The following FBXL7 variants were observed in gnomAD, a reference collection of about 807,000 sequenced individuals.
FBXL7 encodes F-box/LRR-repeat protein 7.
In FBXL7, 12 loss-of-function variants were observed where a neutral mutation model predicts 38.3. The ratio of observed to expected loss-of-function variants is 0.31; its 90% CI spans 0.20 to 0.51. The LOEUF is 0.51. Among genes scored for constraint, FBXL7 ranks in the 20% least tolerant of loss-of-function variants. The pLI, the probability that FBXL7 is intolerant of heterozygous loss-of-function variation, is 0.98. For missense variants in FBXL7, 567 were observed against 676.4 expected (o/e 0.84, Z 1.79); for synonymous variants, 297 against 300.9 (o/e 0.99, Z 0.13).
intron 1 of FBXL7, among the ~76,000 whole-genome samples, chr5:15,525,178 G>A (rs1737216747): frequency 6.6e-6 from 1 of 152,170 alleles, no homozygotes; most frequent in Admixed American, 6.5e-5. Context: ...CATTCCCAAA[G>A]TGAGTTGAAA....
intron 2 of FBXL7, among the ~76,000 whole-genome samples, chr5:15,788,360 T>A (rs1737185942): frequency 6.6e-6 from 1 of 152,108 alleles, no homozygotes; most frequent in African/African-American, 2.4e-5. Flanking sequence ...TTGTAACCTC[T>A]CAATTTTTGC....
At chr5:15,746,485 T>C (rs890994988) in intron 2 of FBXL7, among the ~76,000 whole-genome samples, 5 of 152,116 alleles carry the variant, frequency 3.3e-5, no homozygotes, top group African/African-American at 1.2e-4. Context: ...ATTTAGTGTC[T>C]GGTGAGGGCC....
At chr5:15,714,200 G>A (rs2126645354) in intron 2 of FBXL7, among the ~76,000 whole-genome samples, 1 of 152,238 alleles carries the variant, frequency 6.6e-6, no homozygotes, top group African/African-American at 2.4e-5. Flanking sequence ...GATCATGGGG[G>A]CAAATTTTCT....
At chr5:15,512,381 C>A (rs1298232313) in intron 1 of FBXL7, among the ~76,000 whole-genome samples, 1 of 152,158 alleles carries the variant, frequency 6.6e-6, no homozygotes, top group African/African-American at 2.4e-5. Context: ...TCCGTATATG[C>A]ACACTCATGT....
chr5:15,843,788 A>AATCTACAC (rs1221549350), intron 2 of FBXL7, among the ~76,000 whole-genome samples: 1 of 150,780 alleles, frequency 6.6e-6, no homozygotes, highest in Non-Finnish European at 1.5e-5. Context: ...TTTAATGAAG[A>AATCTACAC]ATCTACACAC....
In FBXL7 at chr5:15,500,481, G is replaced by C. The variant is rs1432534770; in HGVS notation, c.-196G>C. 5 of 692,738 alleles carry C rather than the reference G, an allele frequency of 7.2e-6. No individual in the cohort carries two copies. Among genetic ancestry groups the C allele is most frequent in the South Asian group, 1.6e-5 (1 of 62,048 alleles). 42.9% of individuals were successfully genotyped at this position (692,738 alleles called of 1,614,324 possible). A position where few individuals can be genotyped will look rare whatever the true frequency, so the allele number is the denominator to read the frequency against. On this transcript the variant is annotated 5_prime_UTR_variant, in exon 1 of 4. Transcript: ENST00000504595. ...GTGCCCGGCCCCGCCTGGAGCCACC[G>C]GGGGTGCCAGGAGGGGACGCAGCAC... is the stretch of plus-strand genomic sequence containing the variant.
intron 2 of FBXL7, among the ~76,000 whole-genome samples, chr5:15,648,888 A>G (rs1741619662): frequency 6.8e-6 from 1 of 147,086 alleles, no homozygotes; most frequent in Non-Finnish European, 1.5e-5. Flanking sequence ...AGTCAAGTCA[A>G]TTTCAACTTT....
intron 2 of FBXL7, among the ~76,000 whole-genome samples, chr5:15,730,320 T>G (rs1437397724): frequency 6.6e-6 from 1 of 152,132 alleles, no homozygotes; most frequent in Non-Finnish European, 1.5e-5. Context: ...CTAGGAAGAT[T>G]AGAAGAAAAT....
At chr5:15,830,122 A>G (rs751320555) in intron 2 of FBXL7, among the ~76,000 whole-genome samples, 2 of 152,032 alleles carry the variant, frequency 1.3e-5, no homozygotes, top group Non-Finnish European at 2.9e-5. Context: ...CAGCTCCCCA[A>G]CCTCATCCCT....
intron 2 of FBXL7, among the ~76,000 whole-genome samples, chr5:15,752,630 T>A (rs1017622705): frequency 1.3e-5 from 2 of 152,246 alleles, no homozygotes; most frequent in Non-Finnish European, 2.9e-5. Context: ...TTTTTTGAAG[T>A]CCAGAAACAA....
intron 2 of FBXL7, among the ~76,000 whole-genome samples, chr5:15,687,566 T>C (rs900799134): frequency 6.6e-6 from 1 of 152,194 alleles, no homozygotes; most frequent in South Asian, 2.1e-4. Context: ...GCATTAGTTA[T>C]AATAACAATA....
At chr5:15,899,781 C>T (rs759276272) in intron 2 of FBXL7, among the ~76,000 whole-genome samples, 12 of 152,128 alleles carry the variant, frequency 7.9e-5, no homozygotes, top group Non-Finnish European at 1.6e-4. Flanking sequence ...TAAAGACCTT[C>T]CTGCAAATAA....
chr5:15,859,686 C>T (rs1486188812), intron 2 of FBXL7, among the ~76,000 whole-genome samples: 1 of 152,094 alleles, frequency 6.6e-6, no homozygotes, highest in East Asian at 1.9e-4. Flanking sequence ...CAGGAAAGAC[C>T]TGCCCCCATT....
At chr5:15,688,338 C>T (rs999675782) in intron 2 of FBXL7, among the ~76,000 whole-genome samples, 6 of 152,094 alleles carry the variant, frequency 3.9e-5, no homozygotes, top group Non-Finnish European at 5.9e-5. Context: ...TCCTAGTCAC[C>T]ATAGGTGGTA....
chr5:15,827,707 C>G (rs927513715), intron 2 of FBXL7, among the ~76,000 whole-genome samples: 1 of 152,180 alleles, frequency 6.6e-6, no homozygotes, highest in Non-Finnish European at 1.5e-5. Flanking sequence ...TCAAAGGTCT[C>G]CTCTCCCTAT....
At chr5:15,787,095 T>A (rs1737150778) in intron 2 of FBXL7, among the ~76,000 whole-genome samples, 1 of 152,150 alleles carries the variant, frequency 6.6e-6, no homozygotes, top group Non-Finnish European at 1.5e-5. Flanking sequence ...GATGGATTCT[T>A]CCCTAGAGCC....
chr5:15,936,312 T>TAG lies in FBXL7; in HGVS notation c.740-134_740-133dup. On this transcript the variant is annotated intron_variant, in intron 3 of 3. Transcript: ENST00000504595. This position sits in a 1 kb window ranked among gnomAD's most constrained non-coding sequence, Gnocchi z 6.0. ...AACCCATTCTTGCATTTCCTCTCTATAGAGACCAAGACAGGAAAGGGTAAC... is the reference window on the plus strand; with the variant it reads ...AACCCATTCTTGCATTTCCTCTCTATAGAGAGACCAAGACAGGAAAGGGTAAC... 1 of 981,206 alleles carries TAG rather than the reference T, an allele frequency of 1.0e-6. No individual in the cohort carries two copies. Among genetic ancestry groups the TAG allele is most frequent in the Non-Finnish European group, 1.5e-6 (1 of 682,258 alleles). The allele number at this position is 981,206 out of a possible 1,614,324, so 60.8% of individuals were successfully genotyped here.
chr5:15,719,932 T>C (rs1260280347), intron 2 of FBXL7, among the ~76,000 whole-genome samples: 1 of 148,894 alleles, frequency 6.7e-6, no homozygotes, highest in East Asian at 1.9e-4. Flanking sequence ...AGCCATTCAC[T>C]GACTTGTAGA....
In FBXL7 at chr5:15,939,065, C is replaced by T; in HGVS notation, c.*1879C>T. 5.0e-6 allele frequency: 2 copies of T among 399,060 alleles called. No individual in the cohort carries two copies. Among genetic ancestry groups the T allele is most frequent in the Non-Finnish European group, 8.8e-6 (2 of 226,064 alleles). 24.7% of individuals were successfully genotyped at this position (399,060 alleles called of 1,614,324 possible). On this transcript the variant is annotated 3_prime_UTR_variant, in exon 4 of 4. Coordinates refer to ENST00000504595, the MANE Select transcript of FBXL7 (RefSeq NM_012304.5). The stretch of plus-strand genomic sequence containing the variant: ...TGTAGGCTCCTGTGCATACTGTCGT[C>T]TTCTGTGGGGGATGGAGAGGTTAGT...
Sources: allele counts gnomAD v4.1 joint callset (sites outside exome capture counted in the v4.1 genomes callset), GRCh38; gene constraint gnomAD v4.1.1; non-coding constraint Gnocchi (gnomAD v3.1); transcripts MANE v1.5; gene names NCBI Gene and HGNC (gene_info 2026-07-23, HGNC 2026-07-21).